The following PLEKHG7 variants were observed in gnomAD, a reference collection of about 807,000 sequenced individuals.
PLEKHG7 encodes the protein pleckstrin homology domain-containing family G member 7.
PLEKHG7 carries 77 observed loss-of-function variants against 85.2 expected under a neutral mutation model. That is an observed-to-expected ratio of 0.90 (90% confidence interval 0.75 to 1.09). The LOEUF is 1.09. PLEKHG7 is among the 50% of genes least tolerant of loss of function. The probability of loss-of-function intolerance (pLI) is 0.00; values close to 1 mark genes in which losing one functional copy is unlikely to be tolerated. For missense variants in PLEKHG7, 777 were observed against 804.3 expected (o/e 0.97, Z 0.41); for synonymous variants, 301 against 302.4 (o/e 1.00, Z 0.05).
intron 5 of PLEKHG7, among the ~76,000 whole-genome samples, chr12:92,734,384 C>T (rs1168093332): frequency 6.6e-6 from 1 of 152,144 alleles, no homozygotes; most frequent in East Asian, 1.9e-4. Flanking sequence ...TAGCACATTA[C>T]CAGGTACTGT....
chr12:92,721,324 C>A, intron 3 of PLEKHG7: 1 of 536,784 alleles, frequency 1.9e-6, no homozygotes, highest in Non-Finnish European at 2.8e-6. Flanking sequence ...GGGTGCACGG[C>A]CTGCTCAGCA....
intron 13 of PLEKHG7, among the ~76,000 whole-genome samples, chr12:92,757,263 C>T (rs1215108997): frequency 2.0e-5 from 3 of 152,202 alleles, no homozygotes; most frequent in African/African-American, 7.2e-5. Context: ...GAATGATTGA[C>T]ACAAATTTCA....
At chr12:92,722,139 G>A (rs1335887364) in intron 3 of PLEKHG7, among the ~76,000 whole-genome samples, 2 of 151,706 alleles carry the variant, frequency 1.3e-5, no homozygotes, top group Non-Finnish European at 2.9e-5. Context: ...CACCCACCGT[G>A]AGACCTAAAT....
At chr12:92,746,450 A>G (rs953808435) in intron 10 of PLEKHG7, among the ~76,000 whole-genome samples, 4 of 152,230 alleles carry the variant, frequency 2.6e-5, no homozygotes, top group African/African-American at 9.6e-5. Context: ...AAAGGGGAAT[A>G]ATCTTAGGGA....
rs1021787300 is a variant in PLEKHG7 at position 92,770,945 on chromosome 12, T to C, written c.*750T>C. On this transcript the variant is annotated 3_prime_UTR_variant, in exon 17 of 17. Transcript: ENST00000344636. ...GTAAGGTATCTGTCTCTTAACTTTATTTTTTGAAGAATGATGGTGTTTGCC... is the reference window on the plus strand; with the variant it reads ...GTAAGGTATCTGTCTCTTAACTTTACTTTTTGAAGAATGATGGTGTTTGCC... 1 of 152,152 alleles carries C rather than the reference T, an allele frequency of 6.6e-6. No individual in the cohort carries two copies. The highest frequency in any genetic ancestry group is 1.5e-5 in the Non-Finnish European group (1 of 68,038). The allele number at this position is 152,152 out of a possible 1,614,324, so 9.4% of individuals were successfully genotyped here.
In PLEKHG7 at chr12:92,719,099, T is replaced by C. The variant is rs1289647824; in HGVS notation, c.531-9894T>C. On this transcript the variant is annotated intron_variant, in intron 3 of 16. Transcript: ENST00000344636. ...ACAAATGGAATACTTTGATAGAAAG[T>C]TGAATTGGAAACCATAGTCGAACAT... Among the ~76,000 whole-genome samples the C allele has an allele frequency of 2.0e-5, 3 of 152,302 alleles. No homozygotes were observed. The East Asian group carries it at 5.8e-4, about 29-fold the overall frequency.
At chr12:92,767,674 A>T (rs1452117367) in intron 15 of PLEKHG7, among the ~76,000 whole-genome samples, 1 of 152,210 alleles carries the variant, frequency 6.6e-6, no homozygotes, top group African/African-American at 2.4e-5. Context: ...TAGTTCTTGC[A>T]GTTAAGAAAA....
At chr12:92,750,650 A>G (rs981707007) in intron 10 of PLEKHG7, among the ~76,000 whole-genome samples, 6 of 152,172 alleles carry the variant, frequency 3.9e-5, no homozygotes, top group Non-Finnish European at 5.9e-5. Context: ...CAGCCACCCA[A>G]GAGGTCCAGG....
At chr12:92,745,199 C>T (rs1057073496) in intron 9 of PLEKHG7, among the ~76,000 whole-genome samples, 8 of 152,124 alleles carry the variant, frequency 5.3e-5, no homozygotes, top group Non-Finnish European at 1.0e-4. Context: ...TGAATTAAAT[C>T]AAGACAGCCT....
chr12:92,770,484 G>C lies in PLEKHG7; in HGVS notation c.*289G>C. On this transcript the variant is annotated 3_prime_UTR_variant, in exon 17 of 17. Coordinates refer to ENST00000344636, the MANE Select transcript of PLEKHG7 (RefSeq NM_001377329.1). ...TGTGAGTGAAGAAAGGTGCTAATTTGTAAAGGGTGAATGATCAGATAAATG... is the reference window on the plus strand; with the variant it reads ...TGTGAGTGAAGAAAGGTGCTAATTTCTAAAGGGTGAATGATCAGATAAATG... The C allele has an allele frequency of 3.3e-6, 1 of 305,204 alleles. No individual in the cohort carries two copies. The highest frequency in any genetic ancestry group is 6.0e-6 in the Non-Finnish European group (1 of 166,456). 18.9% of individuals were successfully genotyped at this position (305,204 alleles called of 1,614,324 possible).
In PLEKHG7 at chr12:92,744,568, C is replaced by T. The variant is rs778929378; in HGVS notation, c.1138-910C>T. Among the ~76,000 whole-genome samples, 13 of 151,422 alleles carry T rather than the reference C, an allele frequency of 8.6e-5. No homozygotes were observed. The East Asian group carries it at 1.4e-3, about 16-fold the overall frequency. On this transcript the variant is annotated intron_variant, in intron 9 of 16. Coordinates refer to ENST00000344636, the MANE Select transcript of PLEKHG7 (RefSeq NM_001377329.1). ...AGTTTAAGACATTAAATAAAAATAACGAAGAAAAGGGAAGACAAGCATTAG... is the reference window on the plus strand; with the variant it reads ...AGTTTAAGACATTAAATAAAAATAATGAAGAAAAGGGAAGACAAGCATTAG...
intron 5 of PLEKHG7, among the ~76,000 whole-genome samples, chr12:92,735,423 C>T (rs1041259009): frequency 1.1e-4 from 17 of 152,310 alleles, no homozygotes; most frequent in African/African-American, 4.1e-4. Context: ...GAGCCCCCTA[C>T]CTGCAACAGC....
chr12:92,707,552 C>T lies in PLEKHG7; in HGVS notation c.508-98C>T, dbSNP rs971693770. On this transcript the variant is annotated intron_variant, in intron 2 of 16. Transcript: ENST00000344636. The stretch of plus-strand genomic sequence containing the variant: ...CACCAAAATGTAAAACATGTTTTAA[C>T]TAGGAGGGCTCATTGTTTCTCCTTT... The T allele has an allele frequency of 1.1e-5, 17 of 1,538,262 alleles. No individual in the cohort carries two copies. In the East Asian group the frequency reaches 2.9e-4, roughly 26 times the overall value.
chr12:92,746,703 A>G (rs79807704), intron 10 of PLEKHG7, among the ~76,000 whole-genome samples: 147 of 152,378 alleles, frequency 9.6e-4, no homozygotes, highest in African/African-American at 3.4e-3. Context: ...GTTTTCAAAT[A>G]ACTTTGGAAA....
intron 1 of PLEKHG7, among the ~76,000 whole-genome samples, chr12:92,706,152 T>G (rs1375522079): frequency 6.6e-6 from 1 of 152,224 alleles, no homozygotes; most frequent in African/African-American, 2.4e-5. Context: ...TTTGATTCTC[T>G]TAAAATGGAA....
At chr12:92,734,175 T>C (rs898762303) in intron 5 of PLEKHG7, among the ~76,000 whole-genome samples, 1 of 152,230 alleles carries the variant, frequency 6.6e-6, no homozygotes, top group Non-Finnish European at 1.5e-5. Flanking sequence ...TATCATGTAA[T>C]TCATATCTCT....
In PLEKHG7 at chr12:92,706,635, G is replaced by A. The variant is rs374377248; in HGVS notation, c.4G>A (p.Glu2Lys). The A allele has an allele frequency of 6.2e-7, 1 of 1,604,608 alleles. No individual in the cohort carries two copies. Among genetic ancestry groups the A allele is most frequent in the African/African-American group, 1.3e-5 (1 of 74,314 alleles). M[E>K]KTESFCPEVP... The stretch of plus-strand genomic sequence containing the variant: ...AACAGTAGAACCTCTTAGCTTTATG[G>A]AGAAAACAGAGTCATTCTGTCCAGA... Residue 2 changes from glutamate to lysine, a missense_variant, in exon 2 of 17, where the codon GAG (glutamate) becomes AAG (lysine). Physicochemically the swap from Glu to Lys is moderately conservative, Grantham distance 56. This residue lies in a region of PLEKHG7 where 252 missense variants were observed against 241.9 expected (regional missense o/e 1.04). Coordinates refer to ENST00000344636, the MANE Select transcript of PLEKHG7 (RefSeq NM_001377329.1).
At position 92,736,717 on chromosome 12, in the gene PLEKHG7, G is replaced by A. The variant is rs544022578; in HGVS notation, c.795+140G>A. ...GAGCAAAATGCAAGAGAGGAACCCA[G>A]GACTGAGCAGGGCCTGCTCTCCTCA... On this transcript the variant is annotated intron_variant, in intron 6 of 16. Transcript: ENST00000344636. The A allele has an allele frequency of 1.6e-5, 7 of 442,020 alleles. No individual in the cohort carries two copies. The East Asian group carries it at 1.8e-4, about 11-fold the overall frequency. The allele number at this position is 442,020 out of a possible 1,614,324, so 27.4% of individuals were successfully genotyped here.
chr12:92,760,100 T>C (rs1872944263), intron 13 of PLEKHG7, among the ~76,000 whole-genome samples: 2 of 152,250 alleles, frequency 1.3e-5, no homozygotes, highest in African/African-American at 4.8e-5. Context: ...GCCCTGCCCT[T>C]CACGAATATG....
Sources: allele counts gnomAD v4.1 joint callset (sites outside exome capture counted in the v4.1 genomes callset), GRCh38; gene constraint gnomAD v4.1.1; regional missense constraint gnomAD v4.1.1; transcripts MANE v1.5; gene names NCBI Gene and HGNC (gene_info 2026-07-23, HGNC 2026-07-21).